LRPPRC: variants seen among roughly 807,000 people sequenced by gnomAD.
The protein encoded by LRPPRC is leucine rich pentatricopeptide repeat containing, also known as leucine-rich PPR motif-containing protein, mitochondrial.
A neutral mutation model predicts 180.3 loss-of-function variants in LRPPRC; 120 were observed. The observed-to-expected ratio is 0.67, with a 90% CI of 0.57 to 0.77. LRPPRC has a LOEUF of 0.77. Among genes scored for constraint, LRPPRC ranks in the 30% least tolerant of loss-of-function variants. The probability of loss-of-function intolerance (pLI) is 0.00; values close to 1 mark genes in which losing one functional copy is unlikely to be tolerated. For missense variants in LRPPRC, 2,012 were observed against 1,657.2 expected, an observed-to-expected ratio of 1.21 and a Z score of -3.72; for synonymous variants, 723 against 600.0, an observed-to-expected ratio of 1.21 and a Z score of -3.00.
intron 3 of LRPPRC, 86 bp from the exon 4 acceptor site, chr2:43,977,362 A>C (rs1440447888): frequency 9.6e-7 from 1 of 1,043,272 alleles, no homozygotes; most frequent in East Asian, 2.4e-5. Context: ...AAACAAAAAG[A>C]GTAAAACTAT....
intron 3 of LRPPRC, among the ~76,000 whole-genome samples, chr2:43,979,102 A>T (rs1674187096): frequency 6.6e-6 from 1 of 152,112 alleles, no homozygotes; most frequent in Non-Finnish European, 1.5e-5. Flanking sequence ...AATTGTATTA[A>T]ACCATCTTTT....
intron 11 of LRPPRC, among the ~76,000 whole-genome samples, chr2:43,965,236 G>A (rs984435416): frequency 7.9e-5 from 12 of 151,902 alleles, no homozygotes; most frequent in Non-Finnish European, 1.2e-4. Flanking sequence ...TCCTGACCTC[G>A]TGATCCTAGA....
intron 22 of LRPPRC, among the ~76,000 whole-genome samples, chr2:43,945,006 C>T (rs1050516494): frequency 1.2e-4 from 18 of 152,022 alleles, no homozygotes; most frequent in African/African-American, 4.1e-4. Context: ...CCTTCTTAAG[C>T]AAAAACAAAG....
chr2:43,974,485 T>A, intron 8 of LRPPRC, 129 bp downstream of exon 8: 1 of 825,314 alleles, frequency 1.2e-6, no homozygotes, highest in Non-Finnish European at 2.0e-6. Flanking sequence ...TTGGGCTTAT[T>A]TAACTGACTT....
chr2:43,897,706 C>A (rs1229221302), intron 34 of LRPPRC, among the ~76,000 whole-genome samples: 1 of 152,016 alleles, frequency 6.6e-6, no homozygotes, highest in Non-Finnish European at 1.5e-5. Context: ...AGTGAGGTCA[C>A]TGCAGATAAC....
chr2:43,956,555 T>C (rs551037471), intron 14 of LRPPRC, among the ~76,000 whole-genome samples: 55 of 148,348 alleles, frequency 3.7e-4, no homozygotes, highest in African/African-American at 1.3e-3. Flanking sequence ...TGAGAGAAAG[T>C]AGACACGGCA....
At chr2:43,912,284 G>A in intron 30 of LRPPRC, 148 bp downstream of exon 30, 2 of 686,068 alleles carry the variant, frequency 2.9e-6, no homozygotes, top group South Asian at 3.6e-5. Flanking sequence ...ACCTGATAAA[G>A]TTAGTTAACC....
chr2:43,975,022 C>A, intron 7 of LRPPRC, 69 bp downstream of exon 7: 1 of 1,509,448 alleles, frequency 6.6e-7, no homozygotes, highest in Non-Finnish European at 9.1e-7. Context: ...ACTTTCCTGC[C>A]TCATGTAAAA....
intron 31 of LRPPRC, chr2:43,903,887 T>C (rs1670973840): frequency 6.6e-6 from 1 of 152,148 alleles, no homozygotes; most frequent in South Asian, 2.1e-4. Flanking sequence ...AAGTTTAACT[T>C]TTCATTGTTT....
chr2:43,956,550 G>C (rs960580260), intron 14 of LRPPRC, among the ~76,000 whole-genome samples: 1 of 150,028 alleles, frequency 6.7e-6, no homozygotes, highest in Non-Finnish European at 1.5e-5. Flanking sequence ...GGGTATGAGA[G>C]AAAGTAGACA....
At chr2:43,988,868 C>A (rs1395532304) in intron 1 of LRPPRC, among the ~76,000 whole-genome samples, 1 of 151,988 alleles carries the variant, frequency 6.6e-6, no homozygotes, top group Admixed American at 6.6e-5. Context: ...TTTACAATAT[C>A]TTTCCTTTAT....
Position 43,951,896 on chromosome 2 carries a change from A to G in LRPPRC, c.1650-1296T>C, listed in dbSNP as rs538556439. On this transcript the variant is annotated intron_variant, in intron 14 of 37. Transcript: ENST00000260665. Reference sequence around the variant, plus strand: ...TTATCAAAGTATCAACTTACTGTCAAATAAAAAATAGTTAAGGCTGGGTGT... The same window carrying G: ...TTATCAAAGTATCAACTTACTGTCAGATAAAAAATAGTTAAGGCTGGGTGT... Among the ~76,000 whole-genome samples, 8 of 152,320 alleles carry G rather than the reference A, an allele frequency of 5.3e-5. No individual in the cohort carries two copies. In the South Asian group the frequency reaches 1.7e-3, roughly 32 times the overall value.
chr2:43,936,394 T>C (rs1310954042), intron 23 of LRPPRC, among the ~76,000 whole-genome samples: 1 of 152,224 alleles, frequency 6.6e-6, no homozygotes, highest in Non-Finnish European at 1.5e-5. Flanking sequence ...AAAGGTATTT[T>C]AAAAAGAGGC....
rs200035918 is a variant in LRPPRC, at chr2:43,918,271, C to T, written c.3024G>A (p.Pro1008=). 12 of 1,613,248 alleles carry T rather than the reference C, an allele frequency of 7.4e-6. No individual in the cohort carries two copies. Among genetic ancestry groups the T allele is most frequent in the Admixed American group, 5.0e-5 (3 of 60,008 alleles). The change falls in exon 28 of 38, where the codon CCG becomes CCA. Residue 1008 remains proline, a synonymous_variant. Coordinates refer to ENST00000260665, the MANE Select transcript of LRPPRC (RefSeq NM_133259.4). ...EILREGNQEV[P]FDVPELWYED... ...AAACAATTACCTCAGGTACGTCAAA[C>T]GGAACTTCCTGGTTACCCTCTCTAA...
At chr2:43,985,747 G>A (rs1168449327) in intron 1 of LRPPRC, among the ~76,000 whole-genome samples, 1 of 152,162 alleles carries the variant, frequency 6.6e-6, no homozygotes, top group Non-Finnish European at 1.5e-5. Flanking sequence ...GGACATCCAG[G>A]TTGCTTCCAA....
At chr2:43,971,485 T>TAAAAAAAA (rs528659622) in intron 11 of LRPPRC, among the ~76,000 whole-genome samples, 1,352 of 62,350 alleles carry the variant, frequency 0.022, 191 homozygotes, top group African/African-American at 0.087. Flanking sequence ...TGTGTCACAG[T>TAAAAAAAA]AAAAAAAAAA....
chr2:43,974,120 T>C lies in LRPPRC; in HGVS notation c.1155+30A>G, dbSNP rs7593842. 0.15 allele frequency: 246,270 copies of C among 1,594,710 alleles called. 22,251 individuals carry two copies. The highest frequency in any genetic ancestry group is 0.35 in the African/African-American group (25,953 of 74,444). ...GAATCTTATTTCACTGCCAATTACA[T>C]TGTCTACAAAGTAAAAGTGGACAGA... On this transcript the variant is annotated intron_variant, in intron 9 of 37. Transcript: ENST00000260665.
At chr2:43,981,252 C>G (rs942763387) in intron 2 of LRPPRC, among the ~76,000 whole-genome samples, 2 of 148,388 alleles carry the variant, frequency 1.3e-5, no homozygotes, top group Non-Finnish European at 2.9e-5. Flanking sequence ...TTACAGAAAC[C>G]TGACACTCTA....
At chr2:43,996,051 C>T (rs1410141582), upstream of LRPPRC, 1 of 1,205,852 alleles carries the variant, frequency 8.3e-7, no homozygotes, top group Admixed American at 2.2e-5. Context: ...GCCGGGCGTG[C>T]CAAATGTGGG....
Sources: gnomAD v4.1 joint callset for allele counts (sites outside exome capture counted in the v4.1 genomes callset) on GRCh38, gnomAD v4.1.1 for gene constraint, MANE v1.5 for transcripts, NCBI Gene and HGNC (gene_info 2026-07-23, HGNC 2026-07-21) for gene names.